CLIP2: variants seen among roughly 807,000 people sequenced by gnomAD.
CLIP2 encodes CAP-Gly domain-containing linker protein 2.
Under a neutral mutation model 111.7 loss-of-function variants are expected in CLIP2, and 41 were observed. The ratio of observed to expected loss-of-function variants is 0.37; its 90% CI spans 0.29 to 0.48. The LOEUF (loss-of-function observed/expected upper bound fraction) is 0.48. Among genes scored for constraint, CLIP2 ranks in the 20% least tolerant of loss-of-function variants. The pLI is 0.99. For synonymous variants in CLIP2, 660 were observed against 644.2 expected (o/e 1.02, Z -0.37); for missense variants, 1,160 against 1,422.1 (o/e 0.82, Z 2.96).
chr7:74,353,893 A>T lies in CLIP2; in HGVS notation c.692A>T (p.Lys231Met). ...GTGTGCCGACAGGTTGGCGGGACGA[A>T]GACTGGCGTGGTGCGGTACGTGGGG... is the stretch of plus-strand genomic sequence containing the variant. ...LGDRVLVGGT[K>M]TGVVRYVGET... is the part of the protein sequence containing the mutation. Residue 231 changes from lysine (K) to methionine (M), a missense_variant, in exon 4 of 17, where the codon AAG (lysine) becomes ATG (methionine). Transcript: ENST00000223398. 1 of 1,614,134 alleles carries T rather than the reference A, an allele frequency of 6.2e-7. No individual in the cohort carries two copies. Among genetic ancestry groups the T allele is most frequent in the Non-Finnish European group, 8.5e-7 (1 of 1,180,010 alleles).
In CLIP2 at chr7:74,338,581, G is replaced by A. The variant is rs782244572; in HGVS notation, c.255G>A (p.Val85=). The change falls in exon 3 of 17, where the codon GTG becomes GTA. Residue 85 remains valine (V), a synonymous_variant. Coordinates refer to ENST00000223398, the MANE Select transcript of CLIP2 (RefSeq NM_003388.5). The surrounding 1 kb of genome is among the most constrained non-coding windows in gnomAD (Gnocchi z 4.3). The part of the protein sequence containing the change: ...FLGDFVVGER[V]WVNGVKPGVV... ...GGGACTTTGTGGTGGGCGAGCGGGT[G>A]TGGGTGAACGGCGTGAAGCCAGGCG... 4 of 1,575,784 alleles carry A rather than the reference G, an allele frequency of 2.5e-6. No homozygotes were observed. In the Admixed American group the frequency reaches 7.5e-5, roughly 29 times the overall value.
At chr7:74,390,747 G>GTGGGGGGGGTGGGTGGGGGAC (rs1791272066) in intron 13 of CLIP2, among the ~76,000 whole-genome samples, 1 of 108,650 alleles carries the variant, frequency 9.2e-6, no homozygotes. Flanking sequence ...TTCTGGCGGG[G>GTGGGGGGGGTGGGTGGGGGAC]TGGGGGGGGT....
At chr7:74,351,061 GAA>G (rs1473347903) in intron 3 of CLIP2, among the ~76,000 whole-genome samples, 2 of 67,744 alleles carry the variant, frequency 3.0e-5, no homozygotes, top group African/African-American at 8.3e-5. Flanking sequence ...AGAGAAGAAA[GAA>G]AGAGAAAGAA....
At chr7:74,339,147 T>C in intron 3 of CLIP2, 143 bp downstream of exon 3, 1 of 697,538 alleles carries the variant, frequency 1.4e-6, no homozygotes, top group Non-Finnish European at 2.4e-6. Flanking sequence ...GGGACACCCA[T>C]TCCTTATCAG....
chr7:74,357,607 C>T, intron 6 of CLIP2, 130 bp downstream of exon 6: 1 of 774,820 alleles, frequency 1.3e-6, no homozygotes, highest in Non-Finnish European at 2.1e-6. Context: ...GTACCTGTCC[C>T]CCGCTTTCCA....
chr7:74,399,893 G>T (rs1009324728), intron 14 of CLIP2, among the ~76,000 whole-genome samples: 4 of 151,332 alleles, frequency 2.6e-5, no homozygotes, highest in Admixed American at 2.6e-4. Flanking sequence ...AGTGGCTCAT[G>T]CCTGTAATCC....
In CLIP2 at chr7:74,338,482, C is replaced by T. The variant is rs112253688; in HGVS notation, c.156C>T (p.Ser52=). ...TGCACAAACAGTCATCTGGACCCTC[C>T]TCCTCCCCGGCCGCAGCTGCTGCCC... is the stretch of plus-strand genomic sequence containing the variant. ...SPLHKQSSGP[S]SSPAAAAAPE... Residue 52 remains serine (S), a synonymous_variant, in exon 3 of 17, where the codon TCC becomes TCT. Transcript: ENST00000223398. The surrounding 1 kb of genome is among the most constrained non-coding windows in gnomAD (Gnocchi z 4.3). 1.8e-3 allele frequency: 2,929 copies of T among 1,612,716 alleles called. 16 individuals carry two copies. The highest frequency in any genetic ancestry group is 0.016 in the African/African-American group (1,217 of 75,022).
At chr7:74,319,426 T>G (rs1390740758) in intron 2 of CLIP2, among the ~76,000 whole-genome samples, 1 of 152,004 alleles carries the variant, frequency 6.6e-6, no homozygotes, top group Non-Finnish European at 1.5e-5. Context: ...GAGAATCGGT[T>G]GGACTTAGGA....
intron 4 of CLIP2, 84 bp downstream of exon 4, chr7:74,354,088 G>T: frequency 6.8e-7 from 1 of 1,462,854 alleles, no homozygotes. Context: ...GACATTGGAG[G>T]AAGCGAGTGT....
chr7:74,356,830 C>T (rs1191632211), intron 5 of CLIP2, among the ~76,000 whole-genome samples: 1 of 152,128 alleles, frequency 6.6e-6, no homozygotes, highest in Non-Finnish European at 1.5e-5. Context: ...TTATTGGAAC[C>T]CTAAGCCTTT....
intron 11 of CLIP2, among the ~76,000 whole-genome samples, chr7:74,386,019 G>T (rs1791084019): frequency 6.7e-6 from 1 of 150,034 alleles, no homozygotes; most frequent in Non-Finnish European, 1.5e-5. Flanking sequence ...TGGGATTATA[G>T]GCATGAGCCA....
chr7:74,291,902 C>G (rs1321589741), intron 1 of CLIP2, among the ~76,000 whole-genome samples: 6 of 151,780 alleles, frequency 4.0e-5, no homozygotes, highest in African/African-American at 1.2e-4. Context: ...GCCCTGCCAC[C>G]CTGACAGTTG....
rs1767045823 is a variant in CLIP2, at chr7:74,338,210, A to C, written c.122-238A>C. Among the ~76,000 whole-genome samples, 1 of 89,098 alleles carries C rather than the reference A, an allele frequency of 1.1e-5. No individual in the cohort carries two copies. The highest frequency in any genetic ancestry group is 3.3e-5 in the Non-Finnish European group (1 of 30,508). The allele number at this position is 89,098 out of a possible 152,430, so 58.5% of individuals were successfully genotyped here. Reference sequence around the variant, plus strand: ...GAGCAAGACCCTGTCTCAAAAAGTAAATAAACAGGGGTTGGGTGTGGTGCC... The same window carrying C: ...GAGCAAGACCCTGTCTCAAAAAGTACATAAACAGGGGTTGGGTGTGGTGCC... On this transcript the variant is annotated intron_variant, in intron 2 of 16. Coordinates refer to ENST00000223398, the MANE Select transcript of CLIP2 (RefSeq NM_003388.5). This position sits in a 1 kb window ranked among gnomAD's most constrained non-coding sequence, Gnocchi z 4.3.
chr7:74,312,789 A>G (rs1310913264), intron 1 of CLIP2, among the ~76,000 whole-genome samples: 1 of 152,090 alleles, frequency 6.6e-6, no homozygotes, highest in East Asian at 1.9e-4. Flanking sequence ...GCACCCCGGC[A>G]TGTCGGCTCC....
At chr7:74,379,283 C>T (rs782347091) in intron 10 of CLIP2, among the ~76,000 whole-genome samples, 25 of 150,658 alleles carry the variant, frequency 1.7e-4, no homozygotes, top group African/African-American at 4.9e-4. Context: ...GAGCCAAGAT[C>T]GTGCCACTGC....
intron 2 of CLIP2, among the ~76,000 whole-genome samples, chr7:74,333,722 A>G (rs1222942815): frequency 6.6e-6 from 1 of 152,098 alleles, no homozygotes; most frequent in South Asian, 2.1e-4. Flanking sequence ...GCCTCAAGCA[A>G]TCCTCCTGTC....
intron 2 of CLIP2, among the ~76,000 whole-genome samples, chr7:74,332,077 G>GT (rs772819204): frequency 1.0e-3 from 155 of 151,962 alleles, no homozygotes; most frequent in Middle Eastern, 3.4e-3. Context: ...TGTTGTTGGG[G>GT]TTTTTTGTTT....
At chr7:74,318,712 T>A (rs558154533) in intron 2 of CLIP2, among the ~76,000 whole-genome samples, 2 of 150,024 alleles carry the variant, frequency 1.3e-5, no homozygotes, top group African/African-American at 4.9e-5. Flanking sequence ...AAACTCCATT[T>A]AAAAAAAAAA....
At chr7:74,346,376 ATGT>A (rs2116578848) in intron 3 of CLIP2, among the ~76,000 whole-genome samples, 1 of 152,288 alleles carries the variant, frequency 6.6e-6, no homozygotes, top group South Asian at 2.1e-4. Context: ...AACTGGCCGC[ATGT>A]TGGCCTCTAG....
Sources: allele counts gnomAD v4.1 joint callset (sites outside exome capture counted in the v4.1 genomes callset), GRCh38; gene constraint gnomAD v4.1.1; non-coding constraint Gnocchi (gnomAD v3.1); transcripts MANE v1.5; gene names NCBI Gene and HGNC (gene_info 2026-07-23, HGNC 2026-07-21).